The following CNTN5 variants were observed in gnomAD, a reference collection of about 807,000 sequenced individuals.
CNTN5 encodes contactin-5.
CNTN5 carries 77 observed loss-of-function variants against 129.1 expected under a neutral mutation model. The observed-to-expected ratio is 0.60, with a 90% CI of 0.50 to 0.72. CNTN5 has a LOEUF of 0.72. CNTN5 is among the 30% of genes least tolerant of loss of function. The pLI, the probability that CNTN5 is intolerant of heterozygous loss-of-function variation, is 0.00. For synonymous variants in CNTN5, 509 were observed against 465.6 expected, an observed-to-expected ratio of 1.09 and a Z score of -1.20; for missense variants, 1,478 against 1,328.8, an observed-to-expected ratio of 1.11 and a Z score of -1.75.
chr11:100,003,886 C>T (rs781254932), intron 9 of CNTN5: 1 of 152,136 alleles, frequency 6.6e-6, no homozygotes, highest in Non-Finnish European at 1.5e-5. Context: ...TAAGAAATGT[C>T]ACAATTATGG....
intron 3 of CNTN5, among the ~76,000 whole-genome samples, chr11:99,787,271 T>A (rs1007464066): frequency 1.3e-5 from 2 of 151,574 alleles, no homozygotes; most frequent in Admixed American, 6.6e-5. Flanking sequence ...GAGGAGAGAA[T>A]GTGTTATATT....
intron 14 of CNTN5, among the ~76,000 whole-genome samples, chr11:100,191,642 G>A (rs139060000): frequency 6.6e-6 from 1 of 151,958 alleles, no homozygotes; most frequent in Admixed American, 6.6e-5. Flanking sequence ...GGGATTTGGG[G>A]CAGAAAGGAG....
At chr11:99,786,471 A>G (rs946955962) in intron 3 of CNTN5, among the ~76,000 whole-genome samples, 4 of 152,180 alleles carry the variant, frequency 2.6e-5, no homozygotes, top group East Asian at 1.9e-4. Context: ...TCAAGCTACC[A>G]TGTACTTTCT....
chr11:99,174,146 C>T (rs1437390286), intron 1 of CNTN5, among the ~76,000 whole-genome samples: 3 of 152,056 alleles, frequency 2.0e-5, no homozygotes, highest in African/African-American at 7.2e-5. Flanking sequence ...TTGCAGGTGC[C>T]TGCCACCACG....
chr11:99,466,108 T>C (rs1255960047), intron 2 of CNTN5, among the ~76,000 whole-genome samples: 2 of 152,102 alleles, frequency 1.3e-5, no homozygotes, highest in Non-Finnish European at 1.5e-5. Flanking sequence ...GGCCTCGATC[T>C]CCTGACCTCG....
chr11:100,138,338 C>A (rs777635535), intron 13 of CNTN5, among the ~76,000 whole-genome samples: 1 of 151,900 alleles, frequency 6.6e-6, no homozygotes, highest in Non-Finnish European at 1.5e-5. Flanking sequence ...ATGTACTAGG[C>A]GCTTTTCTAG....
intron 2 of CNTN5, among the ~76,000 whole-genome samples, chr11:99,365,255 T>A (rs755479054): frequency 6.6e-6 from 1 of 152,200 alleles, no homozygotes; most frequent in Non-Finnish European, 1.5e-5. Flanking sequence ...ATAGAGTGGC[T>A]ATATGGATTT....
At chr11:100,008,861 C>T (rs1940345054) in intron 9 of CNTN5, among the ~76,000 whole-genome samples, 1 of 152,048 alleles carries the variant, frequency 6.6e-6, no homozygotes, top group Non-Finnish European at 1.5e-5. Flanking sequence ...AAGAATCATA[C>T]ATTCAAACCG....
intron 3 of CNTN5, among the ~76,000 whole-genome samples, chr11:99,682,866 C>G (rs1953619570): frequency 6.6e-6 from 1 of 151,852 alleles, no homozygotes; most frequent in South Asian, 2.1e-4. Flanking sequence ...TGCTCATAGC[C>G]ACAGTTCATA....
chr11:99,452,878 G>A (rs1944360536), intron 2 of CNTN5, among the ~76,000 whole-genome samples: 1 of 152,090 alleles, frequency 6.6e-6, no homozygotes, highest in South Asian at 2.1e-4. Context: ...CTAAAGAAAA[G>A]TCCATATATT....
At chr11:99,967,656 C>G (rs1951130713) in intron 8 of CNTN5, among the ~76,000 whole-genome samples, 2 of 152,092 alleles carry the variant, frequency 1.3e-5, no homozygotes, top group South Asian at 4.1e-4. Context: ...TTCCACAAAA[C>G]AGCAGAATTT....
At chr11:99,284,647 GTGTGTGTGTGTGT>G (rs1863853139) in intron 1 of CNTN5, among the ~76,000 whole-genome samples, 1 of 119,192 alleles carries the variant, frequency 8.4e-6, no homozygotes, top group African/African-American at 3.3e-5. Flanking sequence ...GTGTGTGTGT[GTGTGTGTGTGTGT>G]GGTGTGTGTA....
At chr11:99,714,944 G>A (rs535944172) in intron 3 of CNTN5, among the ~76,000 whole-genome samples, 1 of 151,182 alleles carries the variant, frequency 6.6e-6, no homozygotes, top group African/African-American at 2.4e-5. Flanking sequence ...TAAGGGTTGT[G>A]GTGTTGGAAA....
intron 2 of CNTN5, among the ~76,000 whole-genome samples, chr11:99,491,527 G>A (rs1377053148): frequency 3.9e-5 from 6 of 152,148 alleles, no homozygotes; most frequent in African/African-American, 1.4e-4. Context: ...GGTGGATACT[G>A]ACAGTTAAGG....
intron 6 of CNTN5, among the ~76,000 whole-genome samples, chr11:99,880,134 G>A (rs113345319): frequency 8.5e-5 from 13 of 152,208 alleles, no homozygotes; most frequent in African/African-American, 2.4e-4. Flanking sequence ...CATGCATAGC[G>A]TGTGTTCATT....
intron 3 of CNTN5, among the ~76,000 whole-genome samples, chr11:99,663,935 A>T (rs1952691012): frequency 6.6e-6 from 1 of 152,200 alleles, no homozygotes; most frequent in Admixed American, 6.5e-5. Flanking sequence ...ATCAAAAATT[A>T]TTAATGGGGA....
At chr11:99,062,877 T>G (rs1864945744) in intron 1 of CNTN5, among the ~76,000 whole-genome samples, 1 of 152,092 alleles carries the variant, frequency 6.6e-6, no homozygotes, top group South Asian at 2.1e-4. Flanking sequence ...AAATTCAGTA[T>G]TTTAAGGAAT....
At chr11:100,322,263 C>T (rs929408638) in intron 21 of CNTN5, among the ~76,000 whole-genome samples, 1 of 151,942 alleles carries the variant, frequency 6.6e-6, no homozygotes, top group Non-Finnish European at 1.5e-5. Flanking sequence ...CGCTCTGTCG[C>T]CCAGGCTGGA....
At chr11:99,509,868 T>A (rs1946769567) in intron 2 of CNTN5, among the ~76,000 whole-genome samples, 1 of 151,926 alleles carries the variant, frequency 6.6e-6, no homozygotes, top group South Asian at 2.1e-4. Context: ...TCAAACAATG[T>A]GATAATAAAA....
Sources: allele counts gnomAD v4.1 joint callset (sites outside exome capture counted in the v4.1 genomes callset), GRCh38; gene constraint gnomAD v4.1.1; transcripts MANE v1.5; gene names NCBI Gene and HGNC (gene_info 2026-07-23, HGNC 2026-07-21).